Variants in GRAP2 observed in about 807,000 individuals in gnomAD.
GRAP2 encodes the protein GRB2 related adaptor protein 2, also known as GRB2-related adapter protein 2.
In GRAP2, 31 loss-of-function variants were observed where a neutral mutation model predicts 43.5. That is an observed-to-expected ratio of 0.71 (90% confidence interval 0.54 to 0.96). The LOEUF (loss-of-function observed/expected upper bound fraction) is 0.96, where lower values mean the gene tolerates loss of function less well. Among genes scored for constraint, GRAP2 ranks in the 40% least tolerant of loss-of-function variants. The pLI, the probability that GRAP2 is intolerant of heterozygous loss-of-function variation, is 0.00. For missense variants in GRAP2, 371 were observed against 424.4 expected (o/e 0.87, Z 1.11); for synonymous variants, 156 against 164.8 (o/e 0.95, Z 0.41).
intron 1 of GRAP2, among the ~76,000 whole-genome samples, chr22:39,927,845 A>G (rs758945987): frequency 2.6e-5 from 4 of 152,162 alleles, no homozygotes; most frequent in Admixed American, 6.5e-5. Context: ...CCTTCATCCT[A>G]TAGTTTGTCT....
At chr22:39,951,876 T>C (rs2066986712) in intron 2 of GRAP2, among the ~76,000 whole-genome samples, 1 of 152,064 alleles carries the variant, frequency 6.6e-6, no homozygotes, top group Admixed American at 6.6e-5. Context: ...AGAAACACAG[T>C]GTTAGGCAGA....
At position 39,971,384 on chromosome 22, in the gene GRAP2, C is replaced by A; in HGVS notation, c.*300C>A. On this transcript the variant is annotated 3_prime_UTR_variant, in exon 8 of 8. Coordinates refer to ENST00000344138, the MANE Select transcript of GRAP2 (RefSeq NM_004810.4). The stretch of plus-strand genomic sequence containing the variant: ...TGAAATGGAGTTTTGTCCTGGCCTT[C>A]AGCTGTCACTGCTTCCTCCTTGTCT... The A allele has an allele frequency of 2.7e-6, 1 of 371,926 alleles. No individual in the cohort carries two copies. Among genetic ancestry groups the A allele is most frequent in the South Asian group, 4.0e-5 (1 of 24,766 alleles). 23.0% of individuals were successfully genotyped at this position (371,926 alleles called of 1,614,324 possible).
chr22:39,925,256 G>A (rs1370328932), intron 1 of GRAP2, among the ~76,000 whole-genome samples: 1 of 152,206 alleles, frequency 6.6e-6, no homozygotes, highest in African/African-American at 2.4e-5. Context: ...TTGAGATCAT[G>A]AGACCCTGAC....
At chr22:39,970,191 C>T (rs2067223344) in intron 7 of GRAP2, among the ~76,000 whole-genome samples, 1 of 152,188 alleles carries the variant, frequency 6.6e-6, no homozygotes, top group Admixed American at 6.5e-5. Context: ...TCATGGCTCA[C>T]TGCAGATTCA....
At chr22:39,946,970 C>T in intron 1 of GRAP2, 123 bp from the exon 2 acceptor site, 2 of 681,818 alleles carry the variant, frequency 2.9e-6, no homozygotes, top group Non-Finnish European at 5.4e-6. Context: ...GAGCCTTGCT[C>T]TCCGGCCTGG....
intron 1 of GRAP2, among the ~76,000 whole-genome samples, chr22:39,913,022 G>A (rs1023678768): frequency 1.3e-5 from 2 of 151,834 alleles, no homozygotes; most frequent in South Asian, 2.1e-4. Flanking sequence ...GTGAAACCCC[G>A]TCTCTACTAA....
At chr22:39,896,864 T>C (rs1178478935), upstream of GRAP2, among the ~76,000 whole-genome samples, 5 of 152,220 alleles carry the variant, frequency 3.3e-5, no homozygotes, top group Non-Finnish European at 7.3e-5. Flanking sequence ...GTTGGTTTTC[T>C]CCTTTAATTT....
At position 39,947,130 on chromosome 22, in the gene GRAP2, T is replaced by G. The variant is rs1473852918; in HGVS notation, c.24T>G (p.Asp8Glu). The change falls in exon 2 of 8, where the codon GAT becomes GAG. Residue 8 changes from aspartate to glutamate, a missense_variant. Transcript: ENST00000344138. MEAVAKFDFTASGEDELS... is the reference protein window; with the variant it reads MEAVAKFEFTASGEDELS... The stretch of plus-strand genomic sequence containing the variant: ...GCATGGAAGCTGTTGCCAAGTTTGA[T>G]TTCACTGCTTCAGGTGAGGATGAAC... 1.2e-6 allele frequency: 2 copies of G among 1,607,074 alleles called. No homozygotes were observed. The highest frequency in any genetic ancestry group is 1.7e-6 in the Non-Finnish European group (2 of 1,173,630).
At chr22:39,957,097 G>A (rs144970388) in intron 3 of GRAP2, among the ~76,000 whole-genome samples, 336 of 152,284 alleles carry the variant, frequency 2.2e-3, no homozygotes, top group African/African-American at 7.6e-3. Flanking sequence ...TGACCACAAG[G>A]GTTAGATAGA....
Position 39,971,020 on chromosome 22 carries a change from C to A in GRAP2, c.929C>A (p.Thr310Asn), listed in dbSNP as rs1299709569. Residue 310 changes from threonine to asparagine, a missense_variant, in exon 8 of 8, where the codon ACC becomes AAC. Transcript: ENST00000344138. ...VLDSSNPSWW[T>N]GRLHNKLGLF... Reference sequence around the variant, plus strand: ...GATAGCTCCAACCCATCCTGGTGGACCGGCCGCCTGCACAACAAGCTGGGC... The same window carrying A: ...GATAGCTCCAACCCATCCTGGTGGAACGGCCGCCTGCACAACAAGCTGGGC... 6.2e-6 allele frequency: 10 copies of A among 1,613,794 alleles called. No individual in the cohort carries two copies.
chr22:39,928,875 A>G (rs1273300867), intron 1 of GRAP2, among the ~76,000 whole-genome samples: 1 of 152,252 alleles, frequency 6.6e-6, no homozygotes, highest in East Asian at 1.9e-4. Context: ...AAAGCCAAAC[A>G]GACAGTGAAG....
chr22:39,944,771 T>C (rs137991), intron 1 of GRAP2, among the ~76,000 whole-genome samples: 44,518 of 152,158 alleles, frequency 0.29, 7,726 homozygotes, highest in African/African-American at 0.48. Context: ...TGGAAAGATC[T>C]TCCCCAAATC....
intron 2 of GRAP2, among the ~76,000 whole-genome samples, chr22:39,953,737 G>A (rs1161648889): frequency 1.3e-5 from 2 of 152,196 alleles, no homozygotes; most frequent in African/African-American, 4.8e-5. Flanking sequence ...AGCCTCCTGA[G>A]TAGCTGGGAC....
intron 1 of GRAP2, among the ~76,000 whole-genome samples, chr22:39,944,874 A>G (rs1239012116): frequency 6.6e-6 from 1 of 152,122 alleles, no homozygotes; most frequent in Non-Finnish European, 1.5e-5. Context: ...CCTTGTCTCC[A>G]TCCTGCTTAT....
At chr22:39,920,505 G>T (rs1257065008) in intron 1 of GRAP2, among the ~76,000 whole-genome samples, 5 of 152,132 alleles carry the variant, frequency 3.3e-5, no homozygotes, top group Admixed American at 1.3e-4. Context: ...TGCAGCCGGG[G>T]TGCAGCTCAG....
chr22:39,916,164 A>G (rs919322268), intron 1 of GRAP2, among the ~76,000 whole-genome samples: 2 of 152,250 alleles, frequency 1.3e-5, no homozygotes, highest in Non-Finnish European at 2.9e-5. Context: ...TTATGTGGGC[A>G]TTGATCTTCC....
intron 2 of GRAP2, among the ~76,000 whole-genome samples, chr22:39,950,643 G>A (rs1049140499): frequency 1.3e-5 from 2 of 152,232 alleles, no homozygotes; most frequent in Non-Finnish European, 2.9e-5. Context: ...TAGATGCCCA[G>A]TACATATTTC....
chr22:39,964,527 GC>G (rs2067152115), intron 4 of GRAP2: 5 of 886,506 alleles, frequency 5.6e-6, no homozygotes, highest in Non-Finnish European at 9.5e-6. Context: ...TGGGGAAGGG[GC>G]CTCTGGCCAC....
intron 1 of GRAP2, among the ~76,000 whole-genome samples, chr22:39,902,929 A>T (rs1000228368): frequency 4.6e-5 from 7 of 152,228 alleles, no homozygotes; most frequent in Non-Finnish European, 1.0e-4. Flanking sequence ...CACTTCTTAT[A>T]CAAAATGTCT....
Sources: allele counts gnomAD v4.1 joint callset (sites outside exome capture counted in the v4.1 genomes callset), GRCh38; gene constraint gnomAD v4.1.1; transcripts MANE v1.5; gene names NCBI Gene and HGNC (gene_info 2026-07-23, HGNC 2026-07-21).